KLF12: variants seen among roughly 807,000 people sequenced by gnomAD.
KLF12 encodes KLF transcription factor 12.
A neutral mutation model predicts 37.8 loss-of-function variants in KLF12; 9 were observed. The observed-to-expected ratio is 0.24, with a 90% CI of 0.14 to 0.42. The LOEUF (loss-of-function observed/expected upper bound fraction) is 0.42, where lower values mean the gene tolerates loss of function less well. Ranked by LOEUF, KLF12 falls within the 10% of genes least tolerant of loss-of-function variation. The probability of loss-of-function intolerance (pLI) is 1.00; values close to 1 mark genes in which losing one functional copy is unlikely to be tolerated. For synonymous variants in KLF12, 208 were observed against 202.1 expected (o/e 1.03, Z -0.25); for missense variants, 411 against 516.0 (o/e 0.80, Z 1.97).
the KLF12 span, among the ~76,000 whole-genome samples, chr13:74,302,979 TA>T: frequency 6.6e-6 from 1 of 152,124 alleles, no homozygotes; most frequent in African/African-American, 2.4e-5. Context: ...AACTCATTTT[TA>T]AACCTTTCAA....
chr13:74,285,580 A>G, the KLF12 span, among the ~76,000 whole-genome samples: 6 of 152,120 alleles, frequency 3.9e-5, no homozygotes, highest in Non-Finnish European at 7.4e-5. Flanking sequence ...ACATAGGATT[A>G]TTTGCATAAT....
At chr13:74,080,287 T>TG (rs1775130071) in intron 1 of KLF12, among the ~76,000 whole-genome samples, 1 of 150,884 alleles carries the variant, frequency 6.6e-6, no homozygotes, top group Non-Finnish European at 1.5e-5. Flanking sequence ...AAAAAGTTGT[T>TG]TTTTTTTTAA....
At chr13:73,953,357 A>G (rs1267666914) in intron 2 of KLF12, among the ~76,000 whole-genome samples, 2 of 152,202 alleles carry the variant, frequency 1.3e-5, no homozygotes, top group African/African-American at 4.8e-5. Flanking sequence ...CTGATTAGCC[A>G]CATTTTCAAA....
the KLF12 span, among the ~76,000 whole-genome samples, chr13:74,225,552 TAATC>T: frequency 5.7e-4 from 87 of 152,270 alleles, 1 homozygote; most frequent in Admixed American, 5.6e-3. Flanking sequence ...CCAATAGTGA[TAATC>T]AGTCATTCAT....
intron 4 of KLF12, among the ~76,000 whole-genome samples, chr13:73,825,428 A>AGT (rs1163224217): frequency 6.6e-6 from 1 of 152,236 alleles, no homozygotes; most frequent in African/African-American, 2.4e-5. Flanking sequence ...ACACTGCTAT[A>AGT]GTATACACTA....
intron 3 of KLF12, among the ~76,000 whole-genome samples, chr13:73,941,589 G>T (rs913809828): frequency 3.3e-5 from 5 of 152,020 alleles, no homozygotes; most frequent in African/African-American, 1.2e-4. Context: ...ACATTATATG[G>T]TATATAACAC....
intron 1 of KLF12, among the ~76,000 whole-genome samples, chr13:74,127,766 C>T (rs192933574): frequency 2.0e-3 from 308 of 152,158 alleles, no homozygotes; most frequent in Non-Finnish European, 3.7e-3. Context: ...CTTTATTGTG[C>T]ATTTTGTATA....
the KLF12 span, among the ~76,000 whole-genome samples, chr13:74,207,859 A>T: frequency 1.3e-5 from 2 of 152,054 alleles, no homozygotes; most frequent in East Asian, 1.9e-4. Context: ...TTACTTTACC[A>T]CCTGAGCCTA....
chr13:74,283,562 T>C, the KLF12 span, among the ~76,000 whole-genome samples: 4,792 of 152,276 alleles, frequency 0.031, 110 homozygotes, highest in Middle Eastern at 0.071. Flanking sequence ...TCCTAATTAA[T>C]GAAACAGTAT....
chr13:73,899,174 T>C (rs527968159), intron 3 of KLF12, among the ~76,000 whole-genome samples: 44 of 152,310 alleles, frequency 2.9e-4, no homozygotes, highest in African/African-American at 9.9e-4. Flanking sequence ...CAAACACAGC[T>C]GCCCTACTTT....
the KLF12 span, among the ~76,000 whole-genome samples, chr13:74,246,191 C>T: frequency 1.3e-5 from 2 of 152,118 alleles, no homozygotes; most frequent in Admixed American, 6.5e-5. Flanking sequence ...AAAGTGGATA[C>T]GTGCTGTTTT....
At position 74,000,454 on chromosome 13, in the gene KLF12, T is replaced by G. The variant is rs187205523; in HGVS notation, c.-31-5401A>C. On this transcript the variant is annotated intron_variant, in intron 1 of 7. Transcript: ENST00000377669. ...TAACCCATATTCAATAAAGATCCCCTTGGAATTCTGTTCGTTGCATAAGTC... is the reference window on the plus strand; with the variant it reads ...TAACCCATATTCAATAAAGATCCCCGTGGAATTCTGTTCGTTGCATAAGTC... Among the ~76,000 whole-genome samples, 355 of 152,318 alleles carry G rather than the reference T, an allele frequency of 2.3e-3. 1 individual carries two copies. Among genetic ancestry groups the G allele is most frequent in the Non-Finnish European group, 4.3e-3 (292 of 68,020 alleles).
At chr13:74,248,983 G>A in the KLF12 span, among the ~76,000 whole-genome samples, 1 of 152,088 alleles carries the variant, frequency 6.6e-6, no homozygotes, top group Non-Finnish European at 1.5e-5. Context: ...GATTGATAGA[G>A]GTGTGGTTCT....
chr13:73,821,611 T>C (rs1041692438), intron 4 of KLF12, among the ~76,000 whole-genome samples: 1 of 152,200 alleles, frequency 6.6e-6, no homozygotes, highest in Admixed American at 6.5e-5. Context: ...CCATGGAGCA[T>C]TTCTCTGGTA....
rs776047704 is a variant in KLF12 at position 73,813,248 on chromosome 13, T to C, written c.710A>G (p.Lys237Arg). 5.0e-6 allele frequency: 8 copies of C among 1,614,102 alleles called. No individual in the cohort carries two copies. The South Asian group carries it at 8.8e-5, about 18-fold the overall frequency. ...CAGGTCATCATCATCACTGTCACTT[T>C]TACTTTGTCTGGGAGATAGGCCTCG... The change falls in exon 5 of 8, where the codon AAA (lysine) becomes AGA (arginine). Residue 237 changes from lysine to arginine, a missense_variant. Lys to Arg is a conservative substitution (Grantham distance 26). Coordinates refer to ENST00000377669, the MANE Select transcript of KLF12 (RefSeq NM_007249.5).
chr13:74,017,457 T>A (rs540417071), intron 1 of KLF12, among the ~76,000 whole-genome samples: 3 of 151,398 alleles, frequency 2.0e-5, no homozygotes, highest in African/African-American at 7.3e-5. Context: ...TCTATTTTCA[T>A]CTAGTTGCTG....
At chr13:73,971,999 TG>T (rs1891359130) in intron 2 of KLF12, among the ~76,000 whole-genome samples, 1 of 152,188 alleles carries the variant, frequency 6.6e-6, no homozygotes, top group South Asian at 2.1e-4. Context: ...AGACTTTGGG[TG>T]CTACCGAATC....
chr13:73,967,776 C>A (rs1891212651), intron 2 of KLF12, among the ~76,000 whole-genome samples: 1 of 152,094 alleles, frequency 6.6e-6, no homozygotes, highest in African/African-American at 2.4e-5. Flanking sequence ...TGGAAATAAT[C>A]CTAATATCTT....
chr13:74,168,193 T>C, the KLF12 span, among the ~76,000 whole-genome samples: 1 of 152,222 alleles, frequency 6.6e-6, no homozygotes, highest in Non-Finnish European at 1.5e-5. Flanking sequence ...TTTGAATTCT[T>C]TGCATCTCTG....
Sources: gnomAD v4.1 joint callset for allele counts (sites outside exome capture counted in the v4.1 genomes callset) on GRCh38, gnomAD v4.1.1 for gene constraint, MANE v1.5 for transcripts, NCBI Gene and HGNC (gene_info 2026-07-23, HGNC 2026-07-21) for gene names.